The following FOXP1 variants were observed in gnomAD, a reference collection of about 807,000 sequenced individuals.
FOXP1 encodes forkhead box P1, also known as forkhead box protein P1.
A neutral mutation model predicts 98.2 loss-of-function variants in FOXP1; 15 were observed. The ratio of observed to expected loss-of-function variants is 0.15; its 90% confidence interval spans 0.10 to 0.24. The LOEUF is 0.24. FOXP1 is among the 10% of genes least tolerant of loss of function. The pLI, the probability that FOXP1 is intolerant of heterozygous loss-of-function variation, is 1.00. For synonymous variants in FOXP1, 371 were observed against 314.5 expected (o/e 1.18, Z -1.90); for missense variants, 633 against 848.5 (o/e 0.75, Z 3.15).
chr3:71,002,463 A>C (rs2042238145), intron 12 of FOXP1, among the ~76,000 whole-genome samples: 1 of 152,200 alleles, frequency 6.6e-6, no homozygotes, highest in Non-Finnish European at 1.5e-5. Flanking sequence ...TAAATGAACA[A>C]ACAATAGAAG....
intron 5 of FOXP1, among the ~76,000 whole-genome samples, chr3:71,206,270 G>C (rs1316377437): frequency 6.6e-6 from 1 of 152,090 alleles, no homozygotes; most frequent in Non-Finnish European, 1.5e-5. Flanking sequence ...TCTATTTCCT[G>C]TACACTTCTT....
At chr3:71,331,185 C>CA (rs2076273539) in intron 4 of FOXP1, among the ~76,000 whole-genome samples, 1 of 152,204 alleles carries the variant, frequency 6.6e-6, no homozygotes, top group Non-Finnish European at 1.5e-5. Context: ...TGGGCCAGCG[C>CA]GAGTTCTGGG....
intron 11 of FOXP1, among the ~76,000 whole-genome samples, chr3:71,018,366 C>T (rs2044837237): frequency 6.6e-6 from 1 of 152,112 alleles, no homozygotes; most frequent in Admixed American, 6.6e-5. Context: ...ATTACACATT[C>T]AGAAGACCGC....
chr3:71,160,303 A>G (rs2061071602), intron 6 of FOXP1, among the ~76,000 whole-genome samples: 1 of 152,204 alleles, frequency 6.6e-6, no homozygotes. Flanking sequence ...TTACACTCCT[A>G]GAGATAACTG....
At chr3:71,333,278 G>C (rs1342034331) in intron 4 of FOXP1, 1 of 152,020 alleles carries the variant, frequency 6.6e-6, no homozygotes, top group Non-Finnish European at 1.5e-5. Context: ...AAGAGAGAGA[G>C]CTCTAAGGAA....
At chr3:71,129,420 C>T (rs551078603) in intron 6 of FOXP1, among the ~76,000 whole-genome samples, 1 of 152,124 alleles carries the variant, frequency 6.6e-6, no homozygotes, top group South Asian at 2.1e-4. Context: ...TTTGGACAAC[C>T]CCAGAGCATA....
intron 2 of FOXP1, among the ~76,000 whole-genome samples, chr3:71,521,647 G>C (rs191688191): frequency 2.0e-5 from 3 of 152,258 alleles, no homozygotes; most frequent in Admixed American, 2.0e-4. Context: ...TGTTTCGCTT[G>C]GGCCAGACTA....
chr3:71,401,230 T>C (rs937745648), intron 3 of FOXP1, among the ~76,000 whole-genome samples: 2 of 152,278 alleles, frequency 1.3e-5, no homozygotes, highest in Non-Finnish European at 2.9e-5. Flanking sequence ...AGTTCAAAAG[T>C]TCAAAAAGGG....
At chr3:71,090,572 G>A (rs1476713930) in intron 7 of FOXP1, among the ~76,000 whole-genome samples, 1 of 152,150 alleles carries the variant, frequency 6.6e-6, no homozygotes, top group Non-Finnish European at 1.5e-5. Flanking sequence ...ACAATAAAAT[G>A]AGCATACTCC....
chr3:71,559,822 G>A (rs1402937914), intron 2 of FOXP1, among the ~76,000 whole-genome samples: 1 of 152,094 alleles, frequency 6.6e-6, no homozygotes, highest in Non-Finnish European at 1.5e-5. Flanking sequence ...ATTCCAGCCT[G>A]GGTGACAGAA....
At chr3:71,228,505 A>T (rs1343644638) in intron 5 of FOXP1, among the ~76,000 whole-genome samples, 1 of 152,160 alleles carries the variant, frequency 6.6e-6, no homozygotes, top group Non-Finnish European at 1.5e-5. Flanking sequence ...TTTTTCGTTA[A>T]ATACAGTCAG....
chr3:71,316,651 G>A (rs13325653), intron 4 of FOXP1, among the ~76,000 whole-genome samples: 1 of 151,766 alleles, frequency 6.6e-6, no homozygotes, highest in East Asian at 1.9e-4. Context: ...AATCTTCTTA[G>A]GGCATATTCT....
intron 7 of FOXP1, among the ~76,000 whole-genome samples, chr3:71,072,815 C>T (rs776807512): frequency 6.6e-6 from 1 of 152,200 alleles, no homozygotes; most frequent in Non-Finnish European, 1.5e-5. Context: ...CATCAGGTGG[C>T]TGCTACTGAT....
intron 3 of FOXP1, among the ~76,000 whole-genome samples, chr3:71,456,870 AAG>A (rs1220784340): frequency 6.6e-6 from 1 of 152,090 alleles, no homozygotes; most frequent in African/African-American, 2.4e-5. Context: ...TTTTTAAAGA[AAG>A]AGTGTTAGCA....
At chr3:71,491,801 T>C (rs1479980617) in intron 3 of FOXP1, among the ~76,000 whole-genome samples, 1 of 152,238 alleles carries the variant, frequency 6.6e-6, no homozygotes, top group Non-Finnish European at 1.5e-5. Flanking sequence ...AAGTATTTTT[T>C]AATGTATACA....
rs778691298 is a variant in FOXP1 at position 71,462,813 on chromosome 3, T to C, written c.-168+30613A>G. 1.2e-3 allele frequency among the ~76,000 whole-genome samples: 178 copies of C among 152,306 alleles called. 3 individuals are homozygous for C. The highest frequency in any genetic ancestry group is 3.5e-4 in the Non-Finnish European group (24 of 68,032). On this transcript the variant is annotated intron_variant, in intron 3 of 20. Transcript: ENST00000649528. ...TGATGTAGCTTCATCTGGTCCAGATTAAGGACCGCCACATATATATTGCTG... is the reference window on the plus strand; with the variant it reads ...TGATGTAGCTTCATCTGGTCCAGATCAAGGACCGCCACATATATATTGCTG...
intron 5 of FOXP1, among the ~76,000 whole-genome samples, chr3:71,293,814 C>G (rs940776333): frequency 1.3e-5 from 2 of 152,108 alleles, no homozygotes; most frequent in Non-Finnish European, 2.9e-5. Flanking sequence ...TGACGTTTAA[C>G]TGTTGAGAGG....
At chr3:71,036,322 A>C (rs915891195) in intron 11 of FOXP1, among the ~76,000 whole-genome samples, 3 of 152,228 alleles carry the variant, frequency 2.0e-5, no homozygotes, top group Admixed American at 6.5e-5. Context: ...CATAGAGTAA[A>C]GCGCCCAGTG....
At chr3:71,464,145 G>A (rs1003935681) in intron 3 of FOXP1, among the ~76,000 whole-genome samples, 4 of 152,186 alleles carry the variant, frequency 2.6e-5, no homozygotes, top group African/African-American at 9.7e-5. Flanking sequence ...GGGCGTGATG[G>A]CACATGCTGT....
Sources: gnomAD v4.1 joint callset for allele counts (sites outside exome capture counted in the v4.1 genomes callset) on GRCh38, gnomAD v4.1.1 for gene constraint, MANE v1.5 for transcripts, NCBI Gene and HGNC (gene_info 2026-07-23, HGNC 2026-07-21) for gene names.